Variants in MLLT10 observed in about 807,000 individuals in gnomAD.
The protein encoded by MLLT10 is MLLT10 histone lysine methyltransferase DOT1L cofactor, also known as protein AF-10.
MLLT10 carries 30 observed loss-of-function variants against 129.1 expected under a neutral mutation model. The ratio of observed to expected loss-of-function variants is 0.23; its 90% CI spans 0.17 to 0.32. The LOEUF is 0.32. Among genes scored for constraint, MLLT10 ranks in the 10% least tolerant of loss-of-function variants. The probability of loss-of-function intolerance (pLI) is 1.00; values close to 1 mark genes in which losing one functional copy is unlikely to be tolerated. For missense variants in MLLT10, 1,119 were observed against 1,268.3 expected (o/e 0.88, Z 1.79); for synonymous variants, 490 against 446.4 (o/e 1.10, Z -1.23).
intron 4 of MLLT10, among the ~76,000 whole-genome samples, chr10:21,591,561 T>C (rs1157665182): frequency 1.3e-5 from 2 of 152,198 alleles, no homozygotes; most frequent in African/African-American, 4.8e-5. Flanking sequence ...AACTAGTTAG[T>C]ATTGCATTTA....
chr10:21,546,405 T>C (rs2036078656), intron 3 of MLLT10, among the ~76,000 whole-genome samples: 1 of 148,314 alleles, frequency 6.7e-6, no homozygotes, highest in South Asian at 2.1e-4. Flanking sequence ...ATTGTAAATA[T>C]TCTACTTTTT....
intron 14 of MLLT10, among the ~76,000 whole-genome samples, chr10:21,718,906 T>C (rs1258998821): frequency 6.6e-6 from 1 of 152,158 alleles, no homozygotes; most frequent in Admixed American, 6.5e-5. Context: ...GTGTTTTTGG[T>C]AGAGATGGGG....
intron 8 of MLLT10, chr10:21,624,734 C>G (rs756338434): frequency 1.6e-6 from 2 of 1,279,230 alleles, no homozygotes; most frequent in Admixed American, 3.6e-5. Flanking sequence ...GTTGGTCTGA[C>G]GATGCTTGGA....
chr10:21,582,279 A>G (rs1431967799), intron 3 of MLLT10, among the ~76,000 whole-genome samples: 1 of 151,866 alleles, frequency 6.6e-6, no homozygotes, highest in Non-Finnish European at 1.5e-5. Flanking sequence ...CACCACATGC[A>G]GCTAATTTTT....
intron 13 of MLLT10, among the ~76,000 whole-genome samples, chr10:21,687,979 A>C (rs531138611): frequency 1.3e-5 from 2 of 152,304 alleles, no homozygotes; most frequent in East Asian, 3.9e-4. Flanking sequence ...GACTTTTTCC[A>C]TTTCAAAGTA....
intron 3 of MLLT10, among the ~76,000 whole-genome samples, chr10:21,583,275 A>G (rs115752066): frequency 0.047 from 7,165 of 152,248 alleles, 558 homozygotes; most frequent in African/African-American, 0.16. Flanking sequence ...ACATTTTTAT[A>G]ATTTAGTTGG....
intron 13 of MLLT10, among the ~76,000 whole-genome samples, chr10:21,698,799 T>A (rs965574310): frequency 4.6e-5 from 7 of 152,242 alleles, no homozygotes; most frequent in Non-Finnish European, 8.8e-5. Flanking sequence ...CATTGTGGTT[T>A]CGATTTACAT....
At chr10:21,574,569 A>T (rs1278768439) in intron 3 of MLLT10, among the ~76,000 whole-genome samples, 1 of 152,220 alleles carries the variant, frequency 6.6e-6, no homozygotes, top group Non-Finnish European at 1.5e-5. Flanking sequence ...GAGCAGTGCC[A>T]TGGCTGCTGG....
intron 8 of MLLT10, among the ~76,000 whole-genome samples, chr10:21,621,008 G>A (rs1435661014): frequency 6.6e-6 from 1 of 151,426 alleles, no homozygotes; most frequent in African/African-American, 2.4e-5. Flanking sequence ...TTCCTGAGAC[G>A]GAGTCTTGCT....
intron 8 of MLLT10, among the ~76,000 whole-genome samples, chr10:21,621,330 C>T (rs1416576293): frequency 1.3e-5 from 2 of 150,542 alleles, no homozygotes; most frequent in African/African-American, 4.9e-5. Flanking sequence ...CTGCAAGCTC[C>T]GCCTTCCAGG....
intron 8 of MLLT10, among the ~76,000 whole-genome samples, chr10:21,632,575 C>G (rs1444236044): frequency 6.6e-6 from 1 of 152,162 alleles, no homozygotes; most frequent in Non-Finnish European, 1.5e-5. Context: ...ACACCATGCT[C>G]AATCCTTGGG....
chr10:21,673,340 T>TA lies in MLLT10; in HGVS notation c.1052-7dup, dbSNP rs748712811. On this transcript the variant is annotated splice_polypyrimidine_tract_variant and intron_variant, in intron 10 of 22. Coordinates refer to ENST00000307729, the MANE Select transcript of MLLT10 (RefSeq NM_001195626.3). The stretch of plus-strand genomic sequence containing the variant: ...CAACTTTTTTTTTTTTTTTTTTTTT[T>TA]AAACTACAGGCAGTTTTTCAGGAAC... 7 of 617,406 alleles carry TA rather than the reference T, an allele frequency of 1.1e-5. No individual in the cohort carries two copies. Among genetic ancestry groups the TA allele is most frequent in the Non-Finnish European group, 1.6e-5 (7 of 445,696 alleles). 38.2% of individuals were successfully genotyped at this position (617,406 alleles called of 1,614,324 possible).
rs370292919 is a variant in MLLT10, at chr10:21,741,987, C to T, written c.*4C>T. ...TGTAGCTCAAGAGAAAAGTTGACAC[C>T]TGAGAAACATCTAGAAATTGCCTAT... On this transcript the variant is annotated 3_prime_UTR_variant, in exon 23 of 23. Coordinates refer to ENST00000307729, the MANE Select transcript of MLLT10 (RefSeq NM_001195626.3). 1.4e-5 allele frequency: 23 copies of T among 1,612,000 alleles called. No individual in the cohort carries two copies. Among genetic ancestry groups the T allele is most frequent in the Non-Finnish European group, 1.9e-5 (23 of 1,179,600 alleles).
chr10:21,742,480 G>T lies in MLLT10; in HGVS notation c.*497G>T, dbSNP rs1833802188. 1 of 215,200 alleles carries T rather than the reference G, an allele frequency of 4.6e-6. No homozygotes were observed. Among genetic ancestry groups the T allele is most frequent in the African/African-American group, 2.3e-5 (1 of 44,428 alleles). 13.3% of individuals were successfully genotyped at this position (215,200 alleles called of 1,614,324 possible). On this transcript the variant is annotated 3_prime_UTR_variant, in exon 23 of 23. Coordinates refer to ENST00000307729, the MANE Select transcript of MLLT10 (RefSeq NM_001195626.3). ...CTTCTCCTGGAGTTGCATTGATTCA[G>T]TATTACAAATATATAGCACATCACC...
intron 3 of MLLT10, among the ~76,000 whole-genome samples, chr10:21,551,434 T>C (rs1339720763): frequency 6.6e-6 from 1 of 151,642 alleles, no homozygotes; most frequent in Non-Finnish European, 1.5e-5. Context: ...TGACTCATAA[T>C]CTAGTATTTC....
chr10:21,696,446 A>AT (rs1348189473), intron 13 of MLLT10, among the ~76,000 whole-genome samples: 1 of 151,906 alleles, frequency 6.6e-6, no homozygotes, highest in Non-Finnish European at 1.5e-5. Context: ...CTATTGATTG[A>AT]TTTTTCAAAC....
chr10:21,579,547 C>G (rs528231025), intron 3 of MLLT10, among the ~76,000 whole-genome samples: 8 of 149,934 alleles, frequency 5.3e-5, no homozygotes, highest in Non-Finnish European at 1.2e-4. Context: ...ACCTCTATTT[C>G]CTCTTTCAGA....
chr10:21,687,435 A>G (rs557703932), intron 13 of MLLT10, among the ~76,000 whole-genome samples: 4 of 152,314 alleles, frequency 2.6e-5, no homozygotes, highest in African/African-American at 9.6e-5. Context: ...GTGTAATGAG[A>G]TATTACTGAT....
chr10:21,645,065 G>C (rs897601748), intron 8 of MLLT10, among the ~76,000 whole-genome samples: 1 of 152,158 alleles, frequency 6.6e-6, no homozygotes, highest in Admixed American at 6.5e-5. Flanking sequence ...GGCAGAAAAA[G>C]TAGTTTAGTA....
Sources: gnomAD v4.1 joint callset for allele counts (sites outside exome capture counted in the v4.1 genomes callset) on GRCh38, gnomAD v4.1.1 for gene constraint, MANE v1.5 for transcripts, NCBI Gene and HGNC (gene_info 2026-07-23, HGNC 2026-07-21) for gene names.